MICAL3: variants seen among roughly 807,000 people sequenced by gnomAD.
The protein encoded by MICAL3 is [F-actin]-monooxygenase MICAL3.
A neutral mutation model predicts 207.4 loss-of-function variants in MICAL3; 62 were observed. The ratio of observed to expected loss-of-function variants is 0.30; its 90% CI spans 0.24 to 0.37. The LOEUF (loss-of-function observed/expected upper bound fraction) is 0.37. Ranked by LOEUF, MICAL3 falls within the 10% of genes least tolerant of loss-of-function variation. The pLI, the probability that MICAL3 is intolerant of heterozygous loss-of-function variation, is 1.00. For synonymous variants in MICAL3, 1,077 were observed against 1,069.3 expected (o/e 1.01, Z -0.14); for missense variants, 2,368 against 2,635.6 (o/e 0.90, Z 2.22).
At position 17,896,096 on chromosome 22, in the gene MICAL3, C is replaced by T. The variant is rs865788937; in HGVS notation, c.1322+150G>A. ...TAGGTTTCTATGATTTTATGAAATC[C>T]TATCTTGCCTTTCCTCTTTTCCACA... On this transcript the variant is annotated intron_variant, in intron 9 of 31. Coordinates refer to ENST00000441493, the MANE Select transcript of MICAL3 (RefSeq NM_015241.3). The T allele has an allele frequency of 1.8e-5, 10 of 553,328 alleles. No individual in the cohort carries two copies. In the South Asian group the frequency reaches 2.3e-4, roughly 13 times the overall value. The allele number at this position is 553,328 out of a possible 1,614,324, so 34.3% of individuals were successfully genotyped here.
rs185586956 is a variant in MICAL3, at chr22:17,788,626, C to T, written c.*2106G>A. The T allele has an allele frequency of 5.9e-5, 9 of 152,376 alleles. No individual in the cohort carries two copies. The highest frequency in any genetic ancestry group is 2.0e-4 in the Admixed American group (3 of 15,314). The allele number at this position is 152,376 out of a possible 1,614,324, so 9.4% of individuals were successfully genotyped here. On this transcript the variant is annotated 3_prime_UTR_variant, in exon 32 of 32. Transcript: ENST00000441493. ...AGATGGAATCTAGAAACCCTCCTCT[C>T]CCCTTTTTTAAGTAAAGAGAAAAGA...
intron 1 of MICAL3, 31 bp downstream of exon 1, chr22:18,024,250 C>T (rs2146523341): frequency 6.6e-6 from 1 of 152,394 alleles, no homozygotes; most frequent in East Asian, 1.9e-4. Flanking sequence ...TTTAGATTCG[C>T]TCGCCCACAG....
intron 19 of MICAL3, among the ~76,000 whole-genome samples, chr22:17,844,793 G>A (rs79457685): frequency 6.6e-6 from 1 of 152,170 alleles, no homozygotes; most frequent in East Asian, 1.9e-4. Context: ...TGCTGGGCTA[G>A]GGCATCTTGA....
chr22:17,932,709 G>C (rs1008483520), intron 1 of MICAL3, among the ~76,000 whole-genome samples: 1 of 152,160 alleles, frequency 6.6e-6, no homozygotes, highest in African/African-American at 2.4e-5. Flanking sequence ...AGACCCATCA[G>C]TGTGCTGTAT....
intron 9 of MICAL3, 31 bp downstream of exon 9, chr22:17,896,215 A>G: frequency 7.4e-7 from 1 of 1,348,038 alleles, no homozygotes; most frequent in Non-Finnish European, 1.0e-6. Context: ...CAGTTTTCTC[A>G]TGAAAGGAAC....
chr22:17,970,782 T>G (rs1318501119), intron 1 of MICAL3, among the ~76,000 whole-genome samples: 3 of 146,548 alleles, frequency 2.0e-5, no homozygotes, highest in Non-Finnish European at 4.5e-5. Context: ...TGGAAAATTT[T>G]TTTATCTGTT....
intron 17 of MICAL3, among the ~76,000 whole-genome samples, chr22:17,870,448 T>C (rs1927611581): frequency 6.6e-6 from 1 of 152,188 alleles, no homozygotes; most frequent in Non-Finnish European, 1.5e-5. Context: ...CATAGGACAG[T>C]GAGCTCCTGG....
chr22:17,807,732 C>G (rs1394484351), intron 29 of MICAL3, among the ~76,000 whole-genome samples: 1 of 152,196 alleles, frequency 6.6e-6, no homozygotes. Flanking sequence ...ACACCAGGCA[C>G]TTCCCATGAG....
intron 20 of MICAL3, among the ~76,000 whole-genome samples, chr22:17,838,964 T>TC (rs200161973): frequency 0.014 from 2,042 of 147,398 alleles, 60 homozygotes; most frequent in African/African-American, 0.049. Flanking sequence ...GCTTTTTTTT[T>TC]TTTTTTTTTT....
intron 1 of MICAL3, among the ~76,000 whole-genome samples, chr22:18,000,036 C>G (rs1569162726): frequency 1.3e-5 from 2 of 152,146 alleles, no homozygotes; most frequent in Non-Finnish European, 2.9e-5. Context: ...GGCCTGTGTG[C>G]GGCCAGGTAA....
rs1022928017 is a variant in MICAL3 at position 17,947,945 on chromosome 22, G to A, written c.-74-41059C>T. ...CACATACCGTGTCTCCTACCAGACAGACATTATGTGTTTAATAGCAAAAGT... is the reference window on the plus strand; with the variant it reads ...CACATACCGTGTCTCCTACCAGACAAACATTATGTGTTTAATAGCAAAAGT... On this transcript the variant is annotated intron_variant, in intron 1 of 31. Transcript: ENST00000441493. 2.6e-5 allele frequency among the ~76,000 whole-genome samples: 4 copies of A among 151,780 alleles called. No homozygotes were observed. The East Asian group carries it at 7.7e-4, about 29-fold the overall frequency.
intron 1 of MICAL3, among the ~76,000 whole-genome samples, chr22:17,998,286 G>C (rs1026417758): frequency 3.3e-5 from 5 of 152,216 alleles, no homozygotes; most frequent in African/African-American, 1.2e-4. Flanking sequence ...GGGCGCGACA[G>C]AGCAAGAGAC....
chr22:17,994,891 G>A (rs1922110024), intron 1 of MICAL3, among the ~76,000 whole-genome samples: 1 of 152,028 alleles, frequency 6.6e-6, no homozygotes, highest in Non-Finnish European at 1.5e-5. Context: ...CGAATCTCCT[G>A]CCAGAGTTAA....
At chr22:17,961,294 T>C (rs1451168416) in intron 1 of MICAL3, among the ~76,000 whole-genome samples, 1 of 151,978 alleles carries the variant, frequency 6.6e-6, no homozygotes, top group Non-Finnish European at 1.5e-5. Flanking sequence ...GAAGAGATAA[T>C]GAAAAAGAAG....
At chr22:17,831,785 T>C in intron 21 of MICAL3, 69 bp downstream of exon 21, 4 of 1,511,804 alleles carry the variant, frequency 2.6e-6, no homozygotes, top group Non-Finnish European at 3.5e-6. Flanking sequence ...AGAAACCTCT[T>C]ACACTCACGC....
At chr22:17,972,488 G>A (rs1315051004) in intron 1 of MICAL3, among the ~76,000 whole-genome samples, 1 of 152,182 alleles carries the variant, frequency 6.6e-6, no homozygotes, top group African/African-American at 2.4e-5. Context: ...GGACAGCAAG[G>A]CACATCGGGG....
rs59740388 is a variant in MICAL3, at chr22:17,953,930, CAAAAAAAAAA to C, written c.-74-47054_-74-47045del. ...CAGGTGACAGAGTAAGACTCCATCT[CAAAAAAAAAA>C]AAAAAAAAAAAAAAAAAAAAAAAAA... On this transcript the variant is annotated intron_variant, in intron 1 of 31. Coordinates refer to ENST00000441493, the MANE Select transcript of MICAL3 (RefSeq NM_015241.3). Among the ~76,000 whole-genome samples, 20 of 86,520 alleles carry C rather than the reference CAAAAAAAAAA, an allele frequency of 2.3e-4. No individual in the cohort carries two copies. The East Asian group carries it at 2.5e-3, about 11-fold the overall frequency. 56.8% of individuals were successfully genotyped at this position (86,520 alleles called of 152,430 possible). A position where few individuals can be genotyped will look rare whatever the true frequency, so the allele number is the denominator to read the frequency against.
intron 27 of MICAL3, among the ~76,000 whole-genome samples, chr22:17,815,943 C>A (rs972590626): frequency 6.6e-5 from 10 of 152,216 alleles, no homozygotes; most frequent in Non-Finnish European, 1.0e-4. Flanking sequence ...ATGCTACATT[C>A]TCGGGAAGCT....
intron 1 of MICAL3, among the ~76,000 whole-genome samples, chr22:17,944,765 G>A (rs897742220): frequency 1.3e-5 from 2 of 152,168 alleles, no homozygotes; most frequent in African/African-American, 4.8e-5. Flanking sequence ...AACTGGACAT[G>A]TTAAGAGAAG....
Sources: gnomAD v4.1 joint callset for allele counts (sites outside exome capture counted in the v4.1 genomes callset) on GRCh38, gnomAD v4.1.1 for gene constraint, MANE v1.5 for transcripts, NCBI Gene and HGNC (gene_info 2026-07-23, HGNC 2026-07-21) for gene names.